Variants in SSH2 observed in about 807,000 individuals in gnomAD.
The protein encoded by SSH2 is slingshot protein phosphatase 2, also known as protein phosphatase Slingshot homolog 2.
In SSH2, 37 loss-of-function variants were observed where a neutral mutation model predicts 135.2. The ratio of observed to expected loss-of-function variants is 0.27; its 90% CI spans 0.21 to 0.36. SSH2 has a LOEUF of 0.36. Among genes scored for constraint, SSH2 ranks in the 10% least tolerant of loss-of-function variants. The pLI, the probability that SSH2 is intolerant of heterozygous loss-of-function variation, is 1.00. For missense variants in SSH2, 1,408 were observed against 1,765.3 expected (o/e 0.80, Z 3.63); for synonymous variants, 628 against 646.2 (o/e 0.97, Z 0.43).
At chr17:29,673,978 A>G (rs563792029) in intron 8 of SSH2, 6 of 379,944 alleles carry the variant, frequency 1.6e-5, no homozygotes, top group Non-Finnish European at 2.1e-5. Context: ...TCTTAGAGCT[A>G]AAATCTTTGC....
intron 2 of SSH2, among the ~76,000 whole-genome samples, chr17:29,809,398 G>T (rs143692037): frequency 2.6e-5 from 4 of 152,274 alleles, no homozygotes; most frequent in Non-Finnish European, 5.9e-5. Context: ...ATATCATTTA[G>T]TTTCAGATAT....
At chr17:29,703,719 CA>C (rs1481371115) in intron 3 of SSH2, among the ~76,000 whole-genome samples, 1 of 152,054 alleles carries the variant, frequency 6.6e-6, no homozygotes, top group African/African-American at 2.4e-5. Context: ...GCTGGGATTA[CA>C]GGAGCGAGCC....
chr17:29,748,772 C>T (rs948242357), intron 3 of SSH2, among the ~76,000 whole-genome samples: 2 of 152,166 alleles, frequency 1.3e-5, no homozygotes, highest in Non-Finnish European at 2.9e-5. Context: ...GATAATCCTA[C>T]TACAGAGCTG....
At chr17:29,808,426 G>A (rs2042385440) in intron 2 of SSH2, among the ~76,000 whole-genome samples, 1 of 152,224 alleles carries the variant, frequency 6.6e-6, no homozygotes, top group Non-Finnish European at 1.5e-5. Flanking sequence ...ACCACAGCCG[G>A]CCTAACGTGC....
intron 1 of SSH2, among the ~76,000 whole-genome samples, chr17:29,899,667 G>A (rs1280469394): frequency 6.6e-6 from 1 of 152,130 alleles, no homozygotes; most frequent in Non-Finnish European, 1.5e-5. Flanking sequence ...ATGCTCATGG[G>A]TAGGAAGAAT....
At chr17:29,644,352 T>C (rs911361588) in intron 14 of SSH2, among the ~76,000 whole-genome samples, 1 of 152,216 alleles carries the variant, frequency 6.6e-6, no homozygotes, top group African/African-American at 2.4e-5. Context: ...CAGAAAGTTA[T>C]TGCTTGCCTC....
At chr17:29,844,601 A>ACTC (rs1306769931) in intron 2 of SSH2, among the ~76,000 whole-genome samples, 1 of 152,024 alleles carries the variant, frequency 6.6e-6, no homozygotes, top group East Asian at 1.9e-4. Flanking sequence ...CCAAGGTGAA[A>ACTC]CTCCTGCAGC....
intron 14 of SSH2, chr17:29,640,902 T>C (rs1484824145): frequency 6.6e-6 from 1 of 152,168 alleles, no homozygotes; most frequent in Non-Finnish European, 1.5e-5. Flanking sequence ...TCCCACTGTA[T>C]ATATTCTTCA....
intron 1 of SSH2, among the ~76,000 whole-genome samples, chr17:29,913,382 A>ATATATC: frequency 1.0e-5 from 1 of 96,218 alleles, no homozygotes; most frequent in East Asian, 3.0e-4. Context: ...ATATATATAT[A>ATATATC]TCCAATTTCT....
At chr17:29,837,645 C>G (rs920142139) in intron 2 of SSH2, among the ~76,000 whole-genome samples, 1 of 152,206 alleles carries the variant, frequency 6.6e-6, no homozygotes, top group African/African-American at 2.4e-5. Flanking sequence ...GCTGTGGCCT[C>G]AATCTTGCTC....
chr17:29,861,756 A>C (rs2065769420), intron 1 of SSH2, among the ~76,000 whole-genome samples: 1 of 151,994 alleles, frequency 6.6e-6, no homozygotes, highest in Non-Finnish European at 1.5e-5. Flanking sequence ...ATGAGGTTTC[A>C]CTATGTTAGC....
chr17:29,713,222 C>T (rs1206397853), intron 3 of SSH2, among the ~76,000 whole-genome samples: 1 of 152,120 alleles, frequency 6.6e-6, no homozygotes, highest in East Asian at 1.9e-4. Context: ...GTAATTCCAG[C>T]TACTCGGGAG....
intron 2 of SSH2, among the ~76,000 whole-genome samples, chr17:29,830,904 A>G (rs934425789): frequency 1.3e-5 from 2 of 152,216 alleles, no homozygotes; most frequent in African/African-American, 4.8e-5. Flanking sequence ...GGGAAAGGAA[A>G]TGAAGCAGTA....
At chr17:29,779,442 C>T (rs1036922829) in intron 3 of SSH2, among the ~76,000 whole-genome samples, 1 of 152,058 alleles carries the variant, frequency 6.6e-6, no homozygotes, top group African/African-American at 2.4e-5. Context: ...TGGTGGCCAC[C>T]CCCCAAACAT....
intron 2 of SSH2, among the ~76,000 whole-genome samples, chr17:29,811,054 G>T (rs184090351): frequency 6.6e-6 from 1 of 152,062 alleles, no homozygotes; most frequent in African/African-American, 2.4e-5. Flanking sequence ...GGAGTGCGGT[G>T]GCACAATCTC....
chr17:29,705,426 G>C (rs1010832695), intron 3 of SSH2, among the ~76,000 whole-genome samples: 1 of 151,764 alleles, frequency 6.6e-6, no homozygotes, highest in Non-Finnish European at 1.5e-5. Flanking sequence ...ATTTTACCTT[G>C]CCCCTAAAGT....
chr17:29,823,521 T>C (rs761136234), intron 2 of SSH2, among the ~76,000 whole-genome samples: 5 of 152,080 alleles, frequency 3.3e-5, no homozygotes, highest in Non-Finnish European at 7.4e-5. Flanking sequence ...CTGCTTAGGC[T>C]CTAACATCGA....
At chr17:29,800,797 G>C (rs1007363304) in intron 2 of SSH2, among the ~76,000 whole-genome samples, 2 of 151,236 alleles carry the variant, frequency 1.3e-5, no homozygotes, top group Non-Finnish European at 2.9e-5. Flanking sequence ...AGAAAAAATT[G>C]ACCTAGAAAC....
At chr17:29,884,617 T>C (rs1369425776) in intron 1 of SSH2, among the ~76,000 whole-genome samples, 1 of 152,190 alleles carries the variant, frequency 6.6e-6, no homozygotes, top group Non-Finnish European at 1.5e-5. Context: ...ACTGAACTCA[T>C]CTTCCCACTA....
Sources: gnomAD v4.1 joint callset for allele counts (sites outside exome capture counted in the v4.1 genomes callset) on GRCh38, gnomAD v4.1.1 for gene constraint, MANE v1.5 for transcripts, NCBI Gene and HGNC (gene_info 2026-07-23, HGNC 2026-07-21) for gene names.